The following FPGT variants were observed in gnomAD, a reference collection of about 807,000 sequenced individuals.
FPGT encodes the protein GDP-L-fucose diphosphorylase.
Under a neutral mutation model 45.8 loss-of-function variants are expected in FPGT, and 41 were observed. The ratio of observed to expected loss-of-function variants is 0.90; its 90% CI spans 0.70 to 1.16. FPGT has a LOEUF of 1.16. Among genes scored for constraint, FPGT ranks in the 50% most tolerant of loss-of-function variants. FPGT has a pLI of 0.00. For missense variants in FPGT, 755 were observed against 689.1 expected, an observed-to-expected ratio of 1.10 and a Z score of -1.07; for synonymous variants, 292 against 247.2, an observed-to-expected ratio of 1.18 and a Z score of -1.70.
At chr1:74,201,956 A>G (rs1395718460) in intron 3 of FPGT, among the ~76,000 whole-genome samples, 1 of 152,182 alleles carries the variant, frequency 6.6e-6, no homozygotes, top group Non-Finnish European at 1.5e-5. Context: ...TGTCATTACT[A>G]GACTTTTGCC....
At position 74,205,015 on chromosome 1, in the gene FPGT, T is replaced by C. The variant is rs1218149657; in HGVS notation, c.968T>C (p.Val323Ala). The change falls in exon 4 of 4, where the codon GTC (valine) becomes GCC (alanine). Residue 323 changes from valine (V) to alanine (A), a missense_variant. By Grantham distance (64) the Val-to-Ala change is moderately conservative. Coordinates refer to ENST00000370898, the MANE Select transcript of FPGT (RefSeq NM_003838.5). Reference protein sequence around the residue: ...TVEYTRNTSNVIKEESELVEM... With the variant: ...TVEYTRNTSNAIKEESELVEM... ...GAGTACACCAGAAACACATCAAATG[T>C]CATTAAAGAAGAGTCAGAGTTGGTA... The C allele has an allele frequency of 6.2e-7, 1 of 1,613,830 alleles. No individual in the cohort carries two copies. Among genetic ancestry groups the C allele is most frequent in the African/African-American group, 1.3e-5 (1 of 74,914 alleles).
At position 74,205,324 on chromosome 1, in the gene FPGT, C is replaced by T. The variant is rs866247636; in HGVS notation, c.1277C>T (p.Pro426Leu). The T allele has an allele frequency of 1.9e-6, 3 of 1,613,998 alleles. No homozygotes were observed. In the African/African-American group the frequency reaches 4.0e-5, roughly 22 times the overall value. The change falls in exon 4 of 4, where the codon CCT becomes CTT. Residue 426 changes from proline to leucine, a missense_variant. Physicochemically the swap from Pro to Leu is moderately conservative, Grantham distance 98. Coordinates refer to ENST00000370898, the MANE Select transcript of FPGT (RefSeq NM_003838.5). ...GSVVEYSRLG[P>L]DVSVGENCII... is the part of the protein sequence containing the mutation. ...GTTGTGGAGTATTCCAGATTGGGGC[C>T]TGATGTTTCAGTTGGGGAAAACTGC...
rs904242593 is a variant in FPGT, at chr1:74,205,422, A to G, written c.1375A>G (p.Lys459Glu). 6.2e-7 allele frequency: 1 copy of G among 1,613,986 alleles called. No individual in the cohort carries two copies. The highest frequency in any genetic ancestry group is 8.5e-7 in the Non-Finnish European group (1 of 1,179,822). ...TTCTTTTGTATGTTCCTTAAGCTTA[A>G]AGATGAATAGATGCTTAAAGTATGC... ...AHSFVCSLSL[K>E]MNRCLKYATM... Residue 459 changes from lysine to glutamate, a missense_variant, in exon 4 of 4, where the codon AAG becomes GAG. Transcript: ENST00000370898.
rs372968994 is a variant in FPGT, at chr1:74,204,701, C to G, written c.654C>G (p.Asp218Glu). The change falls in exon 4 of 4, where the codon GAC (aspartate) becomes GAG (glutamate). Residue 218 changes from aspartate to glutamate, a missense_variant. Asp to Glu is a conservative substitution (Grantham distance 45). Coordinates refer to ENST00000370898, the MANE Select transcript of FPGT (RefSeq NM_003838.5). ...CTTTTGATGATTTAAAACATAGAGA[C>G]CTTGAATACAGGTCTTGCCATCGTT... Reference protein sequence around the residue: ...LDPFDDLKHRDLEYRSCHRFL... With the variant: ...LDPFDDLKHRELEYRSCHRFL... 1.2e-6 allele frequency: 2 copies of G among 1,613,588 alleles called. No individual in the cohort carries two copies. Among genetic ancestry groups the G allele is most frequent in the African/African-American group, 2.7e-5 (2 of 75,012 alleles).
Position 74,204,832 on chromosome 1 carries a change from A to G in FPGT, c.785A>G (p.Lys262Arg). Residue 262 changes from lysine (K) to arginine (R), a missense_variant, in exon 4 of 4, where the codon AAA (lysine) becomes AGA (arginine). Coordinates refer to ENST00000370898, the MANE Select transcript of FPGT (RefSeq NM_003838.5). ...DFAGGDIADL[K>R]LDSDYVYTDS... ...GCTGGGGGTGACATTGCCGATCTTAAATTAGACTCTGACTATGTCTACACA... is the reference window on the plus strand; with the variant it reads ...GCTGGGGGTGACATTGCCGATCTTAGATTAGACTCTGACTATGTCTACACA... 2.5e-6 allele frequency: 4 copies of G among 1,613,738 alleles called. No individual in the cohort carries two copies. Among genetic ancestry groups the G allele is most frequent in the Non-Finnish European group, 3.4e-6 (4 of 1,180,002 alleles).
rs1651596757 is a variant in FPGT, at chr1:74,199,741, A to G, written c.160A>G (p.Asn54Asp). 6.2e-7 allele frequency: 1 copy of G among 1,614,074 alleles called. No homozygotes were observed. Among genetic ancestry groups the G allele is most frequent in the Non-Finnish European group, 8.5e-7 (1 of 1,180,028 alleles). ...AADEKQELAYNQQLSEKLKRK... is the reference protein window; with the variant it reads ...AADEKQELAYDQQLSEKLKRK... Reference sequence around the variant, plus strand: ...TGATGAAAAACAGGAACTTGCTTACAACCAACAGCTGTCAGAAAAGCTGAA... The same window carrying G: ...TGATGAAAAACAGGAACTTGCTTACGACCAACAGCTGTCAGAAAAGCTGAA... Residue 54 changes from asparagine (N) to aspartate (D), a missense_variant, in exon 2 of 4, where the codon AAC becomes GAC. Transcript: ENST00000370898.
Position 74,204,550 on chromosome 1 carries a change from A to G in FPGT, c.503A>G (p.Asp168Gly). The G allele has an allele frequency of 6.2e-7, 1 of 1,609,012 alleles. No homozygotes were observed. The highest frequency in any genetic ancestry group is 8.5e-7 in the Non-Finnish European group (1 of 1,175,398). Residue 168 changes from aspartate (D) to glycine (G), a missense_variant, in exon 4 of 4, where the codon GAT becomes GGT. By Grantham distance (94) the Asp-to-Gly change is moderately conservative. Coordinates refer to ENST00000370898, the MANE Select transcript of FPGT (RefSeq NM_003838.5). ...CCTGGAATTCTGGTTACCTGTGCAG[A>G]TGATATTGAACTTTATAGTATTGGA... is the stretch of plus-strand genomic sequence containing the variant. ...MNPGILVTCADDIELYSIGEF... is the reference protein window; with the variant it reads ...MNPGILVTCAGDIELYSIGEF...
At position 74,205,468 on chromosome 1, in the gene FPGT, A is replaced by C; in HGVS notation, c.1421A>C (p.Gln474Pro). The C allele has an allele frequency of 6.2e-7, 1 of 1,613,984 alleles. No individual in the cohort carries two copies. The highest frequency in any genetic ancestry group is 8.5e-7 in the Non-Finnish European group (1 of 1,179,830). Residue 474 changes from glutamine to proline, a missense_variant, in exon 4 of 4, where the codon CAA becomes CCA. Physicochemically the swap from Gln to Pro is moderately conservative, Grantham distance 76 (BLOSUM62 -1). Coordinates refer to ENST00000370898, the MANE Select transcript of FPGT (RefSeq NM_003838.5). ...LKYATMAFGVQDNLKKSVKTL... is the reference protein window; with the variant it reads ...LKYATMAFGVPDNLKKSVKTL... ...TATGCAACTATGGCATTTGGAGTGC[A>C]AGACAACTTGAAAAAGAGTGTGAAA...
In FPGT at chr1:74,205,967, C is replaced by T. The variant is rs936298998; in HGVS notation, c.*135C>T. On this transcript the variant is annotated 3_prime_UTR_variant, in exon 4 of 4. Coordinates refer to ENST00000370898, the MANE Select transcript of FPGT (RefSeq NM_003838.5). ...TTGTTGTAGCATAATATTAATAGTG[C>T]AAAAGTACATATAAGTCATTTTGAT... is the stretch of plus-strand genomic sequence containing the variant. The T allele has an allele frequency of 1.7e-5, 9 of 541,542 alleles. No individual in the cohort carries two copies. Among genetic ancestry groups the T allele is most frequent in the East Asian group, 5.8e-5 (2 of 34,290 alleles). The allele number at this position is 541,542 out of a possible 1,614,324, so 33.5% of individuals were successfully genotyped here. A position where few individuals can be genotyped will look rare whatever the true frequency, so the allele number is the denominator to read the frequency against.
rs146605723 is a variant in FPGT at position 74,204,882 on chromosome 1, A to G, written c.835A>G (p.Lys279Glu). 574 of 1,613,782 alleles carry G rather than the reference A, an allele frequency of 3.6e-4. 2 individuals are homozygous for G. The African/African-American group carries it at 6.8e-3, about 19-fold the overall frequency. ...AGATAGCCTATTTTATATGGATCAT[A>G]AATCAGCAAAAATGTTACTTGCTTT... ...YTDSLFYMDHKSAKMLLAFYE... is the reference protein window; with the variant it reads ...YTDSLFYMDHESAKMLLAFYE... The change falls in exon 4 of 4, where the codon AAA becomes GAA. Residue 279 changes from lysine to glutamate, a missense_variant. By Grantham distance (56) the Lys-to-Glu change is moderately conservative. Coordinates refer to ENST00000370898, the MANE Select transcript of FPGT (RefSeq NM_003838.5).
At chr1:74,202,964 G>GCCTTCTGAAAGA (rs1553178932) in intron 3 of FPGT, among the ~76,000 whole-genome samples, 4 of 152,074 alleles carry the variant, frequency 2.6e-5, no homozygotes, top group Non-Finnish European at 5.9e-5. Context: ...TAACAATGCT[G>GCCTTCTGAAAGA]CCTTCTGAAA....
chr1:74,203,288 A>G (rs927608083), intron 3 of FPGT, among the ~76,000 whole-genome samples: 4 of 152,182 alleles, frequency 2.6e-5, no homozygotes, highest in Admixed American at 6.5e-5. Flanking sequence ...TTATGGGACA[A>G]CCTATGTATA....
intron 3 of FPGT, among the ~76,000 whole-genome samples, 179 bp from the exon 4 acceptor site, chr1:74,204,212 C>G (rs1277029213): frequency 6.6e-6 from 1 of 152,070 alleles, no homozygotes; most frequent in East Asian, 1.9e-4. Flanking sequence ...GAAAATTTCT[C>G]TTCGAATTTT....
rs1651773430 is a variant in FPGT at position 74,201,307 on chromosome 1, T to C, written c.251-11T>C. The C allele has an allele frequency of 6.2e-7, 1 of 1,604,814 alleles. No homozygotes were observed. Among genetic ancestry groups the C allele is most frequent in the East Asian group, 2.2e-5 (1 of 44,648 alleles). ...TTAAATAAATTGTGCTTTTTTAACTTTGTTTTTAAGGAAATGGAGGATCAA... is the reference window on the plus strand; with the variant it reads ...TTAAATAAATTGTGCTTTTTTAACTCTGTTTTTAAGGAAATGGAGGATCAA... On this transcript the variant is annotated splice_polypyrimidine_tract_variant and intron_variant, in intron 2 of 3. Coordinates refer to ENST00000370898, the MANE Select transcript of FPGT (RefSeq NM_003838.5).
Position 74,205,947 on chromosome 1 carries a change from G to A in FPGT, c.*115G>A. 1 of 617,724 alleles carries A rather than the reference G, an allele frequency of 1.6e-6. No individual in the cohort carries two copies. The highest frequency in any genetic ancestry group is 2.8e-6 in the Non-Finnish European group (1 of 355,102). 38.3% of individuals were successfully genotyped at this position (617,724 alleles called of 1,614,324 possible). On this transcript the variant is annotated 3_prime_UTR_variant, in exon 4 of 4. Transcript: ENST00000370898. The stretch of plus-strand genomic sequence containing the variant: ...TGAAAACTGTATTAACATAATTGTT[G>A]TAGCATAATATTAATAGTGCAAAAG...
Position 74,205,063 on chromosome 1 carries a change from A to G in FPGT, c.1016A>G (p.His339Arg), listed in dbSNP as rs993374851. 3.7e-6 allele frequency: 6 copies of G among 1,613,576 alleles called. No individual in the cohort carries two copies. Among genetic ancestry groups the G allele is most frequent in the East Asian group, 2.2e-5 (1 of 44,876 alleles). Residue 339 changes from histidine (H) to arginine (R), a missense_variant, in exon 4 of 4, where the codon CAT becomes CGT. Physicochemically the swap from His to Arg is conservative, Grantham distance 29 (BLOSUM62 0). Transcript: ENST00000370898. ...ELVEMRQRIFHLLKGTSLNVV... is the reference protein window; with the variant it reads ...ELVEMRQRIFRLLKGTSLNVV... ...GTAGAAATGAGGCAGAGAATATTTC[A>G]TCTTCTTAAAGGAACATCACTAAAT...
Position 74,205,184 on chromosome 1 carries a change from C to T in FPGT, c.1137C>T (p.Leu379=), listed in dbSNP as rs41289176. ...FTSDNSLKSE[L]GLQSITFSIF... The stretch of plus-strand genomic sequence containing the variant: ...CAGATAACAGTTTAAAGTCAGAGCT[C>T]GGCTTACAGTCCATAACTTTTAGTA... Residue 379 remains leucine, a synonymous_variant, in exon 4 of 4, where the codon CTC becomes CTT. Transcript: ENST00000370898. 4.9e-5 allele frequency: 79 copies of T among 1,613,632 alleles called. No individual in the cohort carries two copies. Among genetic ancestry groups the T allele is most frequent in the Non-Finnish European group, 6.2e-5 (73 of 1,179,680 alleles).
rs538451479 is a variant in FPGT, at chr1:74,201,242, C to A, written c.251-76C>A. ...GGCAAATCCTTAAGGTTATATAACA[C>A]CTAAATTTACTGTCATGACAAAGTT... On this transcript the variant is annotated intron_variant, in intron 2 of 3. Transcript: ENST00000370898. The A allele has an allele frequency of 1.3e-5, 16 of 1,232,032 alleles. No individual in the cohort carries two copies. In the African/African-American group the frequency reaches 1.8e-4, roughly 14 times the overall value. The allele number at this position is 1,232,032 out of a possible 1,614,324, so 76.3% of individuals were successfully genotyped here. A position where few individuals can be genotyped will look rare whatever the true frequency, so the allele number is the denominator to read the frequency against.
rs550348080 is a variant in FPGT at position 74,201,892 on chromosome 1, C to A, written c.343+482C>A. The stretch of plus-strand genomic sequence containing the variant: ...AGCATGCATTAGCTATTTTTCCTAA[C>A]ACTCTTTCTCCCTTAATGGGGATTC... On this transcript the variant is annotated intron_variant, in intron 3 of 3. Coordinates refer to ENST00000370898, the MANE Select transcript of FPGT (RefSeq NM_003838.5). Among the ~76,000 whole-genome samples, 4 of 152,302 alleles carry A rather than the reference C, an allele frequency of 2.6e-5. No individual in the cohort carries two copies. In the South Asian group the frequency reaches 8.3e-4, roughly 32 times the overall value.
Sources: gnomAD v4.1 joint callset for allele counts (sites outside exome capture counted in the v4.1 genomes callset) on GRCh38, gnomAD v4.1.1 for gene constraint, MANE v1.5 for transcripts, NCBI Gene and HGNC (gene_info 2026-07-23, HGNC 2026-07-21) for gene names.